The following PLCG2 variants were observed in gnomAD, a reference collection of about 807,000 sequenced individuals.
The protein encoded by PLCG2 is phospholipase C gamma 2.
In PLCG2, 69 loss-of-function variants were observed where a neutral mutation model predicts 175.6. The ratio of observed to expected loss-of-function variants is 0.39; its 90% confidence interval spans 0.32 to 0.48. The LOEUF (loss-of-function observed/expected upper bound fraction) is 0.48, where lower values mean the gene tolerates loss of function less well. Among genes scored for constraint, PLCG2 ranks in the 20% least tolerant of loss-of-function variants. The pLI is 0.91. For synonymous variants in PLCG2, 827 were observed against 624.0 expected (o/e 1.33, Z -4.85); for missense variants, 1,798 against 1,650.9 (o/e 1.09, Z -1.54).
At chr16:81,894,050 A>G (rs1567520350) in intron 12 of PLCG2, among the ~76,000 whole-genome samples, 1 of 148,098 alleles carries the variant, frequency 6.8e-6, no homozygotes, top group African/African-American at 2.5e-5. Flanking sequence ...GCAAACAGAC[A>G]CCCGCTGTGT....
chr16:81,834,466 C>T (rs1229358279), intron 2 of PLCG2, among the ~76,000 whole-genome samples: 2 of 152,096 alleles, frequency 1.3e-5, no homozygotes, highest in African/African-American at 4.8e-5. Flanking sequence ...CCTGCCTGAG[C>T]CTCAGTTTCC....
chr16:81,840,430 A>G (rs28734133), intron 2 of PLCG2, among the ~76,000 whole-genome samples: 28,513 of 152,168 alleles, frequency 0.19, 2,859 homozygotes, highest in African/African-American at 0.25. Flanking sequence ...CTTCATTTAT[A>G]TTATGATTAC....
intron 3 of PLCG2, 36 bp downstream of exon 3, chr16:81,854,623 T>C (rs1458546681): frequency 6.3e-7 from 1 of 1,597,078 alleles, no homozygotes; most frequent in Non-Finnish European, 8.6e-7. Context: ...TCCTTCCCTG[T>C]GCCTTAGTGT....
At chr16:81,937,156 C>T (rs1420519721) in intron 27 of PLCG2, among the ~76,000 whole-genome samples, 1 of 152,232 alleles carries the variant, frequency 6.6e-6, no homozygotes, top group African/African-American at 2.4e-5. Context: ...CCAAACTGCC[C>T]TCCATAGAGA....
At chr16:81,771,949 C>T (rs1470210810) in intron 2 of PLCG2, among the ~76,000 whole-genome samples, 2 of 152,020 alleles carry the variant, frequency 1.3e-5, no homozygotes, top group East Asian at 3.9e-4. Flanking sequence ...CGCCTGGCTA[C>T]TTTTTGTATT....
rs868393205 is a variant in PLCG2, at chr16:81,867,612, A to T, written c.480-1602A>T. Among the ~76,000 whole-genome samples the T allele has an allele frequency of 1.3e-5, 2 of 152,128 alleles. 1 individual carries two copies. Among genetic ancestry groups the T allele is most frequent in the African/African-American group, 4.8e-5 (2 of 41,428 alleles). On this transcript the variant is annotated intron_variant, in intron 5 of 32. Transcript: ENST00000564138. ...GAACAACACCTGTCACCTGATAAGC[A>T]CTATTGAAGTTTCAGCTTTTGTTAC... is the stretch of plus-strand genomic sequence containing the variant.
At chr16:81,888,862 C>T (rs1043773410) in intron 9 of PLCG2, among the ~76,000 whole-genome samples, 3 of 152,162 alleles carry the variant, frequency 2.0e-5, no homozygotes. Context: ...GGAATACAAC[C>T]ATGCCCATTT....
Position 81,880,940 on chromosome 16 carries a change from G to A in PLCG2, c.679G>A (p.Val227Met), listed in dbSNP as rs769793664. The A allele has an allele frequency of 1.7e-5, 27 of 1,614,004 alleles. No homozygotes were observed. Among genetic ancestry groups the A allele is most frequent in the African/African-American group, 5.3e-5 (4 of 74,928 alleles). ...ILDEFKKDSS[V>M]FILGNTDRPD... ...CGATGAATTCAAAAAGGATTCGTCC[G>A]TGTTCATCCTGGGGTGAGGCAGCTC... Residue 227 changes from valine to methionine, a missense_variant, in exon 8 of 33, where the codon GTG (valine) becomes ATG (methionine). Transcript: ENST00000564138.
chr16:81,781,363 C>T (rs1293908622), intron 1 of PLCG2, among the ~76,000 whole-genome samples: 2 of 144,990 alleles, frequency 1.4e-5, no homozygotes, highest in Non-Finnish European at 3.0e-5. Flanking sequence ...AGTGCATGTG[C>T]ACCATTATTT....
intron 16 of PLCG2, 37 bp from the exon 17 acceptor site, chr16:81,908,379 A>G: frequency 1.3e-6 from 2 of 1,595,462 alleles, no homozygotes; most frequent in East Asian, 2.2e-5. Context: ...GGTTTGGTCC[A>G]AGGCTTTCAG....
intron 22 of PLCG2, 129 bp from the exon 23 acceptor site, chr16:81,926,953 A>G (rs1308010628): frequency 7.3e-6 from 5 of 683,414 alleles, no homozygotes; most frequent in Non-Finnish European, 1.3e-5. Flanking sequence ...ACAGATAGTG[A>G]CACTGGTCAC....
At position 81,820,508 on chromosome 16, in the gene PLCG2, C is replaced by G. The variant is rs147348398; in HGVS notation, c.194-33936C>G. The stretch of plus-strand genomic sequence containing the variant: ...GCTAGTGTCAGTAGTTTTTCCTTTT[C>G]TGTTGCTGAGCAGCATTCCAGTGAC... On this transcript the variant is annotated intron_variant, in intron 2 of 32. Transcript: ENST00000564138. 3.5e-3 allele frequency among the ~76,000 whole-genome samples: 532 copies of G among 152,326 alleles called. 5 individuals are homozygous for G. Among genetic ancestry groups the G allele is most frequent in the African/African-American group, 0.012 (509 of 41,560 alleles).
rs927187177 is a variant in PLCG2, at chr16:81,893,802, G to A, written c.1072+8G>A. 16 of 1,589,682 alleles carry A rather than the reference G, an allele frequency of 1.0e-5. No homozygotes were observed. Among genetic ancestry groups the A allele is most frequent in the Non-Finnish European group, 1.4e-5 (16 of 1,159,760 alleles). Reference sequence around the variant, plus strand: ...GCTGTCGCTGCATTGAACGTGAGTAGCTCCTTCTTGGTGGAGGTCAGGCTC... The same window carrying A: ...GCTGTCGCTGCATTGAACGTGAGTAACTCCTTCTTGGTGGAGGTCAGGCTC... On this transcript the variant is annotated splice_region_variant and intron_variant, in intron 12 of 32. Transcript: ENST00000564138.
At chr16:81,877,559 A>G (rs1302480335) in intron 7 of PLCG2, among the ~76,000 whole-genome samples, 3 of 152,262 alleles carry the variant, frequency 2.0e-5, no homozygotes, top group Non-Finnish European at 4.4e-5. Flanking sequence ...GGAAGGCTCC[A>G]GGGAAGGATG....
chr16:81,865,526 C>T (rs535477641), intron 5 of PLCG2, among the ~76,000 whole-genome samples: 13 of 152,310 alleles, frequency 8.5e-5, no homozygotes, highest in Middle Eastern at 6.8e-3. Context: ...GATGCTCAAG[C>T]CCCTGGTTCC....
At chr16:81,840,785 C>T (rs1905780575) in intron 2 of PLCG2, among the ~76,000 whole-genome samples, 1 of 152,192 alleles carries the variant, frequency 6.6e-6, no homozygotes, top group African/African-American at 2.4e-5. Context: ...GGATTGGGGA[C>T]CCCTGTCTTG....
At chr16:81,759,358 C>G (rs1414312272) in intron 2 of PLCG2, among the ~76,000 whole-genome samples, 2 of 152,230 alleles carry the variant, frequency 1.3e-5, no homozygotes, top group African/African-American at 4.8e-5. Context: ...GAACCTCCCA[C>G]AGACCACTAT....
intron 17 of PLCG2, 83 bp downstream of exon 17, chr16:81,908,674 C>A (rs1395762427): frequency 7.9e-7 from 1 of 1,264,684 alleles, no homozygotes; most frequent in African/African-American, 1.5e-5. Flanking sequence ...CTAGCTCAGG[C>A]AGGAATTGGG....
chr16:81,881,706 G>A lies in PLCG2; in HGVS notation c.692+753G>A, dbSNP rs532025715. On this transcript the variant is annotated intron_variant, in intron 8 of 32. Coordinates refer to ENST00000564138, the MANE Select transcript of PLCG2 (RefSeq NM_002661.5). ...GTCGCCTAGGCTGGAGTGCACTGGC[G>A]CAATCTTGGCTCACTGCAACCTCCA... is the stretch of plus-strand genomic sequence containing the variant. 6.6e-5 allele frequency among the ~76,000 whole-genome samples: 10 copies of A among 152,234 alleles called. No homozygotes were observed. The South Asian group carries it at 1.0e-3, about 16-fold the overall frequency.
Sources: allele counts gnomAD v4.1 joint callset (sites outside exome capture counted in the v4.1 genomes callset), GRCh38; gene constraint gnomAD v4.1.1; transcripts MANE v1.5; gene names NCBI Gene and HGNC (gene_info 2026-07-23, HGNC 2026-07-21).